The following ANKRD13A variants were observed in gnomAD, a reference collection of about 807,000 sequenced individuals.
ANKRD13A encodes ankyrin repeat domain-containing protein 13A.
ANKRD13A carries 48 observed loss-of-function variants against 81.3 expected under a neutral mutation model. The observed-to-expected ratio is 0.59, with a 90% confidence interval of 0.47 to 0.75. The LOEUF is 0.75. ANKRD13A is among the 30% of genes least tolerant of loss of function. The probability of loss-of-function intolerance (pLI) is 0.00; values close to 1 mark genes in which losing one functional copy is unlikely to be tolerated. For synonymous variants in ANKRD13A, 230 were observed against 270.1 expected (o/e 0.85, Z 1.45); for missense variants, 612 against 734.0 (o/e 0.83, Z 1.92).
At position 110,024,030 on chromosome 12, in the gene ANKRD13A, G is replaced by T; in HGVS notation, c.735-16G>T. Reference sequence around the variant, plus strand: ...TATTGTACATGTAGAAATTTGTGGTGTTCACTTTTTATCAGAACTAAATCC... The same window carrying T: ...TATTGTACATGTAGAAATTTGTGGTTTTCACTTTTTATCAGAACTAAATCC... On this transcript the variant is annotated splice_polypyrimidine_tract_variant and intron_variant, in intron 6 of 14. Coordinates refer to ENST00000261739, the MANE Select transcript of ANKRD13A (RefSeq NM_033121.2). 1 of 1,612,104 alleles carries T rather than the reference G, an allele frequency of 6.2e-7. No individual in the cohort carries two copies. Among genetic ancestry groups the T allele is most frequent in the Non-Finnish European group, 8.5e-7 (1 of 1,178,912 alleles).
chr12:110,023,005 C>T (rs1030539745), intron 6 of ANKRD13A, among the ~76,000 whole-genome samples: 5 of 152,182 alleles, frequency 3.3e-5, no homozygotes, highest in Non-Finnish European at 7.3e-5. Flanking sequence ...GACCAAATCC[C>T]ATTAGAAGAA....
chr12:109,999,584 C>A lies in ANKRD13A; in HGVS notation c.-105C>A. The A allele has an allele frequency of 2.1e-6, 2 of 959,856 alleles. No individual in the cohort carries two copies. The highest frequency in any genetic ancestry group is 1.4e-6 in the Non-Finnish European group (1 of 690,848). The allele number at this position is 959,856 out of a possible 1,614,324, so 59.5% of individuals were successfully genotyped here. A position where few individuals can be genotyped will look rare whatever the true frequency, so the allele number is the denominator to read the frequency against. Reference sequence around the variant, plus strand: ...CCGGCCGGCAGCGTAACACGCCCTACGCTCGCTTGCTCGCCGGCCTCAGGG... The same window carrying A: ...CCGGCCGGCAGCGTAACACGCCCTAAGCTCGCTTGCTCGCCGGCCTCAGGG... On this transcript the variant is annotated 5_prime_UTR_variant, in exon 1 of 15. Coordinates refer to ENST00000261739, the MANE Select transcript of ANKRD13A (RefSeq NM_033121.2). The surrounding 1 kb of genome is among the most constrained non-coding windows in gnomAD (Gnocchi z 4.3).
chr12:110,036,449 G>A lies in ANKRD13A; in HGVS notation c.1577+121G>A. Reference sequence around the variant, plus strand: ...AGATGTACGGTGCCACAAACTGGCAGGAAAGACTAGAAAAAGTAGGCCAGG... The same window carrying A: ...AGATGTACGGTGCCACAAACTGGCAAGAAAGACTAGAAAAAGTAGGCCAGG... On this transcript the variant is annotated intron_variant, in intron 14 of 14. Transcript: ENST00000261739. This position sits in a 1 kb window ranked among gnomAD's most constrained non-coding sequence, Gnocchi z 4.6. 1 of 1,079,294 alleles carries A rather than the reference G, an allele frequency of 9.3e-7. No individual in the cohort carries two copies. The highest frequency in any genetic ancestry group is 2.4e-5 in the East Asian group (1 of 41,530). 66.9% of individuals were successfully genotyped at this position (1,079,294 alleles called of 1,614,324 possible). A position where few individuals can be genotyped will look rare whatever the true frequency, so the allele number is the denominator to read the frequency against.
chr12:110,015,124 A>G (rs937718261), intron 3 of ANKRD13A, among the ~76,000 whole-genome samples: 2 of 152,164 alleles, frequency 1.3e-5, no homozygotes, highest in African/African-American at 4.8e-5. Flanking sequence ...ATCTTTAGGA[A>G]CTTACAGGAA....
chr12:110,013,247 G>A lies in ANKRD13A; in HGVS notation c.352G>A (p.Glu118Lys), dbSNP rs372889145. 115 of 1,613,630 alleles carry A rather than the reference G, an allele frequency of 7.1e-5. No homozygotes were observed. The highest frequency in any genetic ancestry group is 8.5e-5 in the Non-Finnish European group (100 of 1,179,920). Residue 118 changes from glutamate to lysine, a missense_variant and splice_region_variant, in exon 3 of 15, where the codon GAG becomes AAG. Physicochemically the swap from Glu to Lys is moderately conservative, Grantham distance 56 (BLOSUM62 1). Coordinates refer to ENST00000261739, the MANE Select transcript of ANKRD13A (RefSeq NM_033121.2). ...GVPELLQKIL[E>K]APDFYVQMKW... ...TCCTGAGCTGCTCCAAAAAATTCTC[G>A]AGGTATCCATGAAAATGTGGCCAGG...
intron 7 of ANKRD13A, 57 bp from the exon 8 acceptor site, chr12:110,025,684 CT>C: frequency 7.4e-7 from 1 of 1,346,064 alleles, no homozygotes; most frequent in South Asian, 1.3e-5. Flanking sequence ...TTTTGCTGTG[CT>C]TACTTTTGGA....
In ANKRD13A at chr12:110,012,111, CAAAAG is replaced by C; in HGVS notation, c.208_212del (p.Glu70SerfsTer9). On this transcript the variant is annotated frameshift_variant, in exon 2 of 15. Transcript: ENST00000261739. LOFTEE classifies it high-confidence loss of function. ...TTACTCCGACATAAAGCAGATGTGA[CAAAAG>C]AAAATCGCCAGGGATGGACAGGTAA... The C allele has an allele frequency of 2.5e-6, 4 of 1,611,328 alleles. No homozygotes were observed. Among genetic ancestry groups the C allele is most frequent in the Non-Finnish European group, 3.4e-6 (4 of 1,177,802 alleles).
At chr12:110,026,872 A>C (rs1163734431) in intron 8 of ANKRD13A, among the ~76,000 whole-genome samples, 5 of 151,918 alleles carry the variant, frequency 3.3e-5, no homozygotes, top group Admixed American at 3.3e-4. Flanking sequence ...ACAGAGCTAG[A>C]CTCTGTCTCA....
At chr12:110,025,665 C>G (rs1486047522) in intron 7 of ANKRD13A, 77 bp from the exon 8 acceptor site, 1 of 1,069,836 alleles carries the variant, frequency 9.3e-7, no homozygotes, top group Non-Finnish European at 1.4e-6. Flanking sequence ...TTTGCTTCAG[C>G]ATTCTTGCTT....
At chr12:110,025,661 TCAGCA>T in intron 7 of ANKRD13A, 76 bp from the exon 8 acceptor site, 1 of 1,031,050 alleles carries the variant, frequency 9.7e-7, no homozygotes, top group Non-Finnish European at 1.5e-6. Flanking sequence ...GTTTTTTGCT[TCAGCA>T]TTCTTGCTTT....
chr12:110,033,879 T>C lies in ANKRD13A; in HGVS notation c.1431T>C (p.Asn477=), dbSNP rs1335547036. 1 of 1,613,686 alleles carries C rather than the reference T, an allele frequency of 6.2e-7. No homozygotes were observed. Among genetic ancestry groups the C allele is most frequent in the Admixed American group, 1.7e-5 (1 of 59,910 alleles). ...ACTATGTTCAAGACAATGGCAGAAA[T>C]GTGCATTTGCAAGATGAAGATTACG... The part of the protein sequence containing the change: ...ESYYVQDNGR[N]VHLQDEDYEI... The change falls in exon 13 of 15, where the codon AAT becomes AAC. Residue 477 remains asparagine (N), a synonymous_variant. Coordinates refer to ENST00000261739, the MANE Select transcript of ANKRD13A (RefSeq NM_033121.2).
At position 110,018,615 on chromosome 12, in the gene ANKRD13A, ATTC is replaced by A. The variant is rs1481883962; in HGVS notation, c.544+130_544+132del. 9 of 1,109,254 alleles carry A rather than the reference ATTC, an allele frequency of 8.1e-6. No individual in the cohort carries two copies. The Admixed American group carries it at 1.7e-4, about 21-fold the overall frequency. 68.7% of individuals were successfully genotyped at this position (1,109,254 alleles called of 1,614,324 possible). A position where few individuals can be genotyped will look rare whatever the true frequency, so the allele number is the denominator to read the frequency against. ...CTTCCTAGGGCATGTTTTTTTGGTT[ATTC>A]TTATTAATTATTCAGCTCTCCATCC... On this transcript the variant is annotated intron_variant, in intron 5 of 14. Transcript: ENST00000261739. This position sits in a 1 kb window ranked among gnomAD's most constrained non-coding sequence, Gnocchi z 4.4.
rs980940032 is a variant in ANKRD13A, at chr12:110,028,898, C to A, written c.1076+256C>A. On this transcript the variant is annotated intron_variant, in intron 10 of 14. Coordinates refer to ENST00000261739, the MANE Select transcript of ANKRD13A (RefSeq NM_033121.2). The stretch of plus-strand genomic sequence containing the variant: ...GACTACAGGCGCGTGCCACCACGCC[C>A]AGCTAATTTTTGTATTTTTAGTAGA... 8 of 336,290 alleles carry A rather than the reference C, an allele frequency of 2.4e-5. No individual in the cohort carries two copies. In the East Asian group the frequency reaches 5.3e-4, roughly 22 times the overall value. 20.8% of individuals were successfully genotyped at this position (336,290 alleles called of 1,614,324 possible).
chr12:110,012,810 A>T (rs548364893), intron 2 of ANKRD13A, among the ~76,000 whole-genome samples: 2 of 152,230 alleles, frequency 1.3e-5, no homozygotes, highest in Non-Finnish European at 2.9e-5. Flanking sequence ...CCAGGTCTAC[A>T]TATAACCACA....
chr12:110,037,612 G>A lies in ANKRD13A; in HGVS notation c.*58G>A. 6.4e-7 allele frequency: 1 copy of A among 1,553,338 alleles called. No homozygotes were observed. The highest frequency in any genetic ancestry group is 8.7e-7 in the Non-Finnish European group (1 of 1,149,094). ...GAGGCTGTGGGCTGTCACAGATGCT[G>A]TGTCAACCAGGGCCCTAGGGCTAAG... is the stretch of plus-strand genomic sequence containing the variant. On this transcript the variant is annotated 3_prime_UTR_variant, in exon 15 of 15. Transcript: ENST00000261739.
chr12:110,019,203 C>A lies in ANKRD13A; in HGVS notation c.609C>A (p.Asp203Glu). 1 of 1,614,038 alleles carries A rather than the reference C, an allele frequency of 6.2e-7. No homozygotes were observed. The highest frequency in any genetic ancestry group is 8.5e-7 in the Non-Finnish European group (1 of 1,179,916). ...AAGTGGTCACCACCGAACGCTTCGA[C>A]CTTTCCCAAGAAATGGAGCGCCTCA... ...DDKVVTTERFDLSQEMERLTL... is the reference protein window; with the variant it reads ...DDKVVTTERFELSQEMERLTL... Residue 203 changes from aspartate to glutamate, a missense_variant, in exon 6 of 15, where the codon GAC (aspartate) becomes GAA (glutamate). Transcript: ENST00000261739.
chr12:110,014,492 A>G (rs931816878), intron 3 of ANKRD13A, among the ~76,000 whole-genome samples: 5 of 152,244 alleles, frequency 3.3e-5, no homozygotes, highest in African/African-American at 1.2e-4. Context: ...GATGGACTGC[A>G]CTGAATTGTA....
chr12:110,019,689 C>T (rs1890978988), intron 6 of ANKRD13A, among the ~76,000 whole-genome samples: 1 of 152,170 alleles, frequency 6.6e-6, no homozygotes, highest in Non-Finnish European at 1.5e-5. Context: ...CGTGGAGTTT[C>T]TGGAGGTTAG....
chr12:110,037,279 G>A (rs1892120211), intron 14 of ANKRD13A, 80 bp from the exon 15 acceptor site: 1 of 1,378,170 alleles, frequency 7.3e-7, no homozygotes. Context: ...CCCTTGGTAA[G>A]CGGTTAAGAA....
Sources: gnomAD v4.1 joint callset for allele counts (sites outside exome capture counted in the v4.1 genomes callset) on GRCh38, gnomAD v4.1.1 for gene constraint, Gnocchi (gnomAD v3.1) non-coding constraint, MANE v1.5 for transcripts, NCBI Gene and HGNC (gene_info 2026-07-23, HGNC 2026-07-21) for gene names.